Variants in PAXIP1 observed in about 807,000 individuals in gnomAD.
PAXIP1 encodes PAX-interacting protein 1.
In PAXIP1, 19 loss-of-function variants were observed where a neutral mutation model predicts 140.6. The ratio of observed to expected loss-of-function variants is 0.14; its 90% CI spans 0.09 to 0.20. PAXIP1 has a LOEUF of 0.20. Ranked by LOEUF, PAXIP1 falls within the 10% of genes least tolerant of loss-of-function variation. The probability of loss-of-function intolerance (pLI) is 1.00; values close to 1 mark genes in which losing one functional copy is unlikely to be tolerated. For synonymous variants in PAXIP1, 442 were observed against 444.6 expected (o/e 0.99, Z 0.07); for missense variants, 920 against 1,208.6 (o/e 0.76, Z 3.54).
At chr7:155,002,732 G>T (rs551329591) in intron 1 of PAXIP1, 117 bp downstream of exon 1, 1 of 481,402 alleles carries the variant, frequency 2.1e-6, no homozygotes, top group Non-Finnish European at 3.0e-6. Flanking sequence ...CGGCCTCGGC[G>T]GACCCGACGC....
intron 5 of PAXIP1, among the ~76,000 whole-genome samples, chr7:154,977,493 C>T (rs888479371): frequency 2.0e-5 from 3 of 152,180 alleles, no homozygotes; most frequent in East Asian, 1.9e-4. Flanking sequence ...GTCCTGGCAG[C>T]GAACGCCAGG....
At chr7:154,988,034 G>C (rs1194165949) in intron 4 of PAXIP1, among the ~76,000 whole-genome samples, 1 of 152,020 alleles carries the variant, frequency 6.6e-6, no homozygotes, top group Non-Finnish European at 1.5e-5. Flanking sequence ...AAATCAATGA[G>C]AAAAAAAGGG....
At position 154,967,733 on chromosome 7, in the gene PAXIP1, T is replaced by G; in HGVS notation, c.1893+83A>C. On this transcript the variant is annotated intron_variant, in intron 8 of 20. Transcript: ENST00000404141. The stretch of plus-strand genomic sequence containing the variant: ...ACACGTGCAGGTGCAGCTCAGTGAA[T>G]GCAGCTAAGTGAACACAGTTACATC... 3 of 899,536 alleles carry G rather than the reference T, an allele frequency of 3.3e-6. No individual in the cohort carries two copies. In the South Asian group the frequency reaches 4.4e-5, roughly 13 times the overall value. 55.7% of individuals were successfully genotyped at this position (899,536 alleles called of 1,614,324 possible).
intron 16 of PAXIP1, among the ~76,000 whole-genome samples, chr7:154,952,588 G>C (rs2150742553): frequency 6.6e-6 from 1 of 152,298 alleles, no homozygotes; most frequent in African/African-American, 2.4e-5. Context: ...TGGATCATGA[G>C]TTCAATGTCA....
chr7:154,976,220 G>A lies in PAXIP1; in HGVS notation c.550C>T (p.Arg184Cys). The A allele has an allele frequency of 6.2e-7, 1 of 1,613,612 alleles. No individual in the cohort carries two copies. The highest frequency in any genetic ancestry group is 1.1e-5 in the South Asian group (1 of 91,046). Residue 184 changes from arginine (R) to cysteine (C), a missense_variant, in exon 6 of 21, where the codon CGT becomes TGT. Around this residue, in one of 5 missense-constraint regions of PAXIP1, gnomAD observed 419 missense variants for 514.7 expected, o/e 0.81. Transcript: ENST00000404141. ...TKKDEAFYHP[R>C]LIIYEEEEEE... ...TCTTCCTCTTCATAAATAATCAGAC[G>A]AGGATGATAAAATGCTTCGTCCTTT...
At chr7:154,968,262 T>G (rs1809113981) in intron 7 of PAXIP1, 141 bp downstream of exon 7, 2 of 690,922 alleles carry the variant, frequency 2.9e-6, no homozygotes, top group Admixed American at 6.1e-5. Context: ...AACTATATTC[T>G]TTGTTAGGTA....
At chr7:154,982,259 T>C (rs1463690543) in intron 5 of PAXIP1, among the ~76,000 whole-genome samples, 4 of 152,238 alleles carry the variant, frequency 2.6e-5, no homozygotes, top group Non-Finnish European at 5.9e-5. Context: ...TCTGAAACTT[T>C]AGTATGCATC....
chr7:154,948,082 C>T lies in PAXIP1; in HGVS notation c.2822-79G>A, dbSNP rs1808079743. 3.4e-6 allele frequency: 3 copies of T among 883,218 alleles called. No homozygotes were observed. The Admixed American group carries it at 5.1e-5, about 15-fold the overall frequency. 54.7% of individuals were successfully genotyped at this position (883,218 alleles called of 1,614,324 possible). ...AAGTGTGACCCACAAAATTCTCGCC[C>T]ATATTCAGGTACATAATATTACAGC... is the stretch of plus-strand genomic sequence containing the variant. On this transcript the variant is annotated intron_variant, in intron 16 of 20. Coordinates refer to ENST00000404141, the MANE Select transcript of PAXIP1 (RefSeq NM_007349.4).
At chr7:154,978,369 A>G (rs1488334763) in intron 5 of PAXIP1, among the ~76,000 whole-genome samples, 2 of 152,206 alleles carry the variant, frequency 1.3e-5, no homozygotes, top group African/African-American at 2.4e-5. Context: ...TTAAGGCTTC[A>G]TATCTCTAAC....
intron 16 of PAXIP1, chr7:154,952,062 A>C (rs1024130223): frequency 6.6e-6 from 1 of 152,088 alleles, no homozygotes; most frequent in African/African-American, 2.4e-5. Context: ...TGGAAGCTAA[A>C]ATGTTTGTAG....
At chr7:154,992,027 T>G (rs1311106656) in intron 3 of PAXIP1, among the ~76,000 whole-genome samples, 1 of 152,238 alleles carries the variant, frequency 6.6e-6, no homozygotes, top group East Asian at 1.9e-4. Context: ...AGCCCCATTA[T>G]CGAAGATCTG....
intron 2 of PAXIP1, among the ~76,000 whole-genome samples, chr7:154,995,171 G>A (rs562323578): frequency 2.0e-5 from 3 of 152,236 alleles, no homozygotes; most frequent in Middle Eastern, 6.8e-3. Context: ...TCAGAGCCTG[G>A]GGCAATGCAC....
intron 2 of PAXIP1, among the ~76,000 whole-genome samples, chr7:154,996,728 T>C (rs1443851937): frequency 1.3e-5 from 2 of 152,238 alleles, no homozygotes; most frequent in Non-Finnish European, 2.9e-5. Flanking sequence ...TTGCCTTTTA[T>C]TTCGCCTTCA....
chr7:154,959,855 G>T, intron 13 of PAXIP1, 35 bp downstream of exon 13: 2 of 1,428,324 alleles, frequency 1.4e-6, no homozygotes, highest in Non-Finnish European at 2.0e-6. Context: ...TAATAATACA[G>T]TAATAGCCAA....
chr7:154,981,597 TC>T (rs1226680126), intron 5 of PAXIP1, among the ~76,000 whole-genome samples: 7 of 152,196 alleles, frequency 4.6e-5, no homozygotes, highest in African/African-American at 1.7e-4. Context: ...ACGTTTAGTA[TC>T]AACTTTTAAA....
At chr7:154,958,733 C>T (rs147625872) in intron 13 of PAXIP1, among the ~76,000 whole-genome samples, 1 of 152,096 alleles carries the variant, frequency 6.6e-6, no homozygotes, top group African/African-American at 2.4e-5. Context: ...ATTACTGATA[C>T]AAAGCCACAA....
At chr7:154,961,189 G>T (rs1377776118) in intron 11 of PAXIP1, 112 bp from the exon 12 acceptor site, 2 of 860,330 alleles carry the variant, frequency 2.3e-6, no homozygotes, top group Admixed American at 3.1e-5. Flanking sequence ...TAATAGAAGT[G>T]GGAGGCATAT....
chr7:154,948,425 T>C (rs1312638110), intron 16 of PAXIP1: 2 of 176,722 alleles, frequency 1.1e-5, no homozygotes, highest in African/African-American at 2.4e-5. Flanking sequence ...CATGTGCCTG[T>C]AGTCCCAGCT....
intron 2 of PAXIP1, among the ~76,000 whole-genome samples, chr7:154,994,898 TG>T (rs1256201148): frequency 2.6e-5 from 4 of 152,246 alleles, no homozygotes; most frequent in Non-Finnish European, 4.4e-5. Flanking sequence ...TTTCGATCTA[TG>T]TGCCTTATCC....
Sources: allele counts gnomAD v4.1 joint callset (sites outside exome capture counted in the v4.1 genomes callset), GRCh38; gene constraint gnomAD v4.1.1; regional missense constraint gnomAD v4.1.1; transcripts MANE v1.5; gene names NCBI Gene and HGNC (gene_info 2026-07-23, HGNC 2026-07-21).